The following MACROD1 variants were observed in gnomAD, a reference collection of about 807,000 sequenced individuals.
MACROD1 encodes the protein ADP-ribose glycohydrolase MACROD1.
In MACROD1, 31 loss-of-function variants were observed where a neutral mutation model predicts 41.4. The ratio of observed to expected loss-of-function variants is 0.75; its 90% CI spans 0.56 to 1.01. The LOEUF is 1.01. Ranked by LOEUF, MACROD1 falls within the 50% of genes least tolerant of loss-of-function variation. The probability of loss-of-function intolerance (pLI) is 0.00; values close to 1 mark genes in which losing one functional copy is unlikely to be tolerated. For synonymous variants in MACROD1, 252 were observed against 203.4 expected, an observed-to-expected ratio of 1.24 and a Z score of -2.03; for missense variants, 473 against 460.0, an observed-to-expected ratio of 1.03 and a Z score of -0.26.
chr11:64,009,103 C>G (rs541432479), intron 4 of MACROD1: 3 of 152,140 alleles, frequency 2.0e-5, no homozygotes, highest in African/African-American at 4.8e-5. Context: ...CAAATCTCCC[C>G]GAGAAAGCCG....
At position 64,096,244 on chromosome 11, in the gene MACROD1, C is replaced by G. The variant is rs1041190479; in HGVS notation, c.517+54995G>C. 6.6e-6 allele frequency among the ~76,000 whole-genome samples: 1 copy of G among 152,308 alleles called. No individual in the cohort carries two copies. Among genetic ancestry groups the G allele is most frequent in the East Asian group, 1.9e-4 (1 of 5,184 alleles). ...GGGGGTCGAACAGCCACTGTTCTGC[C>G]GACAAAAGCAGGCCAATTTCCTGAA... On this transcript the variant is annotated intron_variant, in intron 3 of 10. Coordinates refer to ENST00000255681, the MANE Select transcript of MACROD1 (RefSeq NM_014067.4). The surrounding 1 kb of genome is among the most constrained non-coding windows in gnomAD (Gnocchi z 4.6).
Position 64,064,474 on chromosome 11 carries a change from G to C in MACROD1, c.518-49193C>G, listed in dbSNP as rs573460418. Among the ~76,000 whole-genome samples, 1 of 152,150 alleles carries C rather than the reference G, an allele frequency of 6.6e-6. No homozygotes were observed. The highest frequency in any genetic ancestry group is 6.5e-5 in the Admixed American group (1 of 15,276). ...CTGTTTTCTCTTGGCCAAAGAACCGGAGGCCTCAGGCCTGCCCCGGATGGG... is the reference window on the plus strand; with the variant it reads ...CTGTTTTCTCTTGGCCAAAGAACCGCAGGCCTCAGGCCTGCCCCGGATGGG... On this transcript the variant is annotated intron_variant, in intron 3 of 10. Transcript: ENST00000255681. The surrounding 1 kb of genome is among the most constrained non-coding windows in gnomAD (Gnocchi z 4.5).
rs970731636 is a variant in MACROD1 at position 64,120,021 on chromosome 11, A to T, written c.517+31218T>A. Among the ~76,000 whole-genome samples, 3 of 152,184 alleles carry T rather than the reference A, an allele frequency of 2.0e-5. No individual in the cohort carries two copies. Among genetic ancestry groups the T allele is most frequent in the Non-Finnish European group, 1.5e-5 (1 of 68,038 alleles). Reference sequence around the variant, plus strand: ...GCTGGTCCGAGGGCAGGAGGATGAGAGGGCTGGGAGCGCCTGGTGGTGCTA... The same window carrying T: ...GCTGGTCCGAGGGCAGGAGGATGAGTGGGCTGGGAGCGCCTGGTGGTGCTA... On this transcript the variant is annotated intron_variant, in intron 3 of 10. Transcript: ENST00000255681. The surrounding 1 kb of genome is among the most constrained non-coding windows in gnomAD (Gnocchi z 4.5).
intron 3 of MACROD1, among the ~76,000 whole-genome samples, chr11:64,128,343 GCCAGC>G (rs1008150048): frequency 3.9e-5 from 6 of 152,198 alleles, no homozygotes; most frequent in Admixed American, 6.5e-5. Flanking sequence ...CAGCCAGCCA[GCCAGC>G]CAGGAGATAT....
rs371344980 is a variant in MACROD1 at position 64,065,830 on chromosome 11, CCT to C, written c.518-50551_518-50550del. Among the ~76,000 whole-genome samples, 202 of 151,866 alleles carry C rather than the reference CCT, an allele frequency of 1.3e-3. 7 individuals carry two copies. In the South Asian group the frequency reaches 0.041, roughly 31 times the overall value. On this transcript the variant is annotated intron_variant, in intron 3 of 10. Transcript: ENST00000255681. ...AAAAAAGATGAACAAGGAGACTCCC[CCT>C]CTCTCCATGCACAGGCAGGCAGGTG...
At chr11:64,066,152 C>T (rs1944001353) in intron 3 of MACROD1, among the ~76,000 whole-genome samples, 1 of 151,898 alleles carries the variant, frequency 6.6e-6, no homozygotes. Flanking sequence ...CAAGAATTAG[C>T]TGGGCATGGT....
chr11:64,041,945 C>G (rs1943495066), intron 3 of MACROD1, among the ~76,000 whole-genome samples: 1 of 152,218 alleles, frequency 6.6e-6, no homozygotes, highest in Non-Finnish European at 1.5e-5. Flanking sequence ...GGGCTCCTAG[C>G]CTGGGCTGGG....
At chr11:64,162,317 G>A (rs976440953) in intron 1 of MACROD1, among the ~76,000 whole-genome samples, 17 of 151,728 alleles carry the variant, frequency 1.1e-4, no homozygotes, top group Non-Finnish European at 2.1e-4. Flanking sequence ...GCACTCCAGC[G>A]TGGGCAACAG....
intron 3 of MACROD1, among the ~76,000 whole-genome samples, chr11:64,065,029 G>C (rs951656392): frequency 1.3e-5 from 2 of 152,192 alleles, no homozygotes; most frequent in South Asian, 4.1e-4. Context: ...GCTGGTGCTA[G>C]GGACATGAGC....
At chr11:64,085,844 G>A (rs1274310493) in intron 3 of MACROD1, among the ~76,000 whole-genome samples, 3 of 152,198 alleles carry the variant, frequency 2.0e-5, no homozygotes. Context: ...GGATGCAGGA[G>A]GAATAAGAGA....
At chr11:64,106,620 C>G (rs1944767327) in intron 3 of MACROD1, among the ~76,000 whole-genome samples, 1 of 152,236 alleles carries the variant, frequency 6.6e-6, no homozygotes, top group African/African-American at 2.4e-5. Flanking sequence ...AGTGCCAAGC[C>G]TCTGATCTAG....
At chr11:64,128,092 C>T (rs1288343370) in intron 3 of MACROD1, among the ~76,000 whole-genome samples, 2 of 152,170 alleles carry the variant, frequency 1.3e-5, no homozygotes, top group Admixed American at 6.5e-5. Context: ...GTGGGCCCCA[C>T]AGGTGCTCTC....
chr11:64,072,326 G>A (rs538795895), intron 3 of MACROD1, among the ~76,000 whole-genome samples: 2 of 152,318 alleles, frequency 1.3e-5, no homozygotes, highest in South Asian at 2.1e-4. Flanking sequence ...CTGCACCAGG[G>A]CGAGCCTTTG....
chr11:64,064,299 A>C lies in MACROD1; in HGVS notation c.518-49018T>G, dbSNP rs1943956271. Among the ~76,000 whole-genome samples the C allele has an allele frequency of 6.6e-6, 1 of 152,186 alleles. No homozygotes were observed. The highest frequency in any genetic ancestry group is 1.5e-5 in the Non-Finnish European group (1 of 68,032). On this transcript the variant is annotated intron_variant, in intron 3 of 10. Coordinates refer to ENST00000255681, the MANE Select transcript of MACROD1 (RefSeq NM_014067.4). This position sits in a 1 kb window ranked among gnomAD's most constrained non-coding sequence, Gnocchi z 4.5. ...GTAGTCTCCACGTGCAGCCCTGTTC[A>C]GGCGGCGGGTAGGGGGGTGATGTCT...
chr11:64,118,184 C>G, intron 3 of MACROD1: 1 of 1,613,480 alleles, frequency 6.2e-7, no homozygotes, highest in African/African-American at 1.3e-5. Context: ...ACACTATCTT[C>G]CCCTCCAACG....
At chr11:64,108,828 G>C (rs567635754) in intron 3 of MACROD1, among the ~76,000 whole-genome samples, 19 of 152,190 alleles carry the variant, frequency 1.2e-4, no homozygotes, top group African/African-American at 4.3e-4. Context: ...CTGGGGGCTG[G>C]GAAGTGGGGG....
chr11:64,131,736 C>A (rs546584825), intron 3 of MACROD1, among the ~76,000 whole-genome samples: 1 of 152,312 alleles, frequency 6.6e-6, no homozygotes. Flanking sequence ...CTACTGCATG[C>A]CAGGCCCTGT....
At chr11:64,161,798 C>T (rs1472295272) in intron 1 of MACROD1, among the ~76,000 whole-genome samples, 4 of 145,158 alleles carry the variant, frequency 2.8e-5, no homozygotes, top group African/African-American at 7.7e-5. Context: ...ATTAGCAGCC[C>T]ATGGCTCACA....
chr11:64,044,586 CA>C (rs1225465727), intron 3 of MACROD1, among the ~76,000 whole-genome samples: 26 of 152,114 alleles, frequency 1.7e-4, no homozygotes, highest in Non-Finnish European at 3.5e-4. Context: ...GATTTTACCC[CA>C]GGGGTAAACT....
Sources: gnomAD v4.1 joint callset for allele counts (sites outside exome capture counted in the v4.1 genomes callset) on GRCh38, gnomAD v4.1.1 for gene constraint, Gnocchi (gnomAD v3.1) non-coding constraint, MANE v1.5 for transcripts, NCBI Gene and HGNC (gene_info 2026-07-23, HGNC 2026-07-21) for gene names.